The following DNAJC11 variants were observed in gnomAD, a reference collection of about 807,000 sequenced individuals.
DNAJC11 encodes dnaJ homolog subfamily C member 11.
A neutral mutation model predicts 78.6 loss-of-function variants in DNAJC11; 15 were observed. The observed-to-expected ratio is 0.19, with a 90% confidence interval of 0.13 to 0.29. The LOEUF (loss-of-function observed/expected upper bound fraction) is 0.29. DNAJC11 is among the 10% of genes least tolerant of loss of function. The probability of loss-of-function intolerance (pLI) is 1.00; values close to 1 mark genes in which losing one functional copy is unlikely to be tolerated. For synonymous variants in DNAJC11, 292 were observed against 272.1 expected, an observed-to-expected ratio of 1.07 and a Z score of -0.72; for missense variants, 547 against 709.6, an observed-to-expected ratio of 0.77 and a Z score of 2.60.
intron 13 of DNAJC11, 34 bp from the exon 14 acceptor site, chr1:6,637,374 T>C (rs1486817677): frequency 6.2e-7 from 1 of 1,614,144 alleles, no homozygotes; most frequent in Non-Finnish European, 8.5e-7. Flanking sequence ...GAAGGCCTCC[T>C]CCAGGCACCT....
rs773595881 is a variant in DNAJC11, at chr1:6,645,802, G to A, written c.881C>T (p.Thr294Ile). ...TGCTCGGCTCACCTGCAGGGCCACAGTGAAGTGGCTGGTTTTAGTGTCTCG... is the reference window on the plus strand; with the variant it reads ...TGCTCGGCTCACCTGCAGGGCCACAATGAAGTGGCTGGTTTTAGTGTCTCG... ...IVRDTKTSHF[T>I]VALQLGIPHS... Residue 294 changes from threonine to isoleucine, a missense_variant, in exon 8 of 16, where the codon ACT (threonine) becomes ATT (isoleucine). Physicochemically the swap from Thr to Ile is moderately conservative, Grantham distance 89 (BLOSUM62 -1). Coordinates refer to ENST00000377577, the MANE Select transcript of DNAJC11 (RefSeq NM_018198.4). This position sits in a 1 kb window ranked among gnomAD's most constrained non-coding sequence, Gnocchi z 4.1. The A allele has an allele frequency of 3.7e-6, 6 of 1,614,044 alleles. No individual in the cohort carries two copies. Among genetic ancestry groups the A allele is most frequent in the Middle Eastern group, 1.6e-4 (1 of 6,062 alleles).
At chr1:6,656,183 G>A (rs1642123903) in intron 4 of DNAJC11, among the ~76,000 whole-genome samples, 1 of 151,418 alleles carries the variant, frequency 6.6e-6, no homozygotes, top group Non-Finnish European at 1.5e-5. Context: ...CTTTTTAGGG[G>A]GAAAAAAACC....
chr1:6,679,949 C>T (rs540967572), intron 2 of DNAJC11, among the ~76,000 whole-genome samples: 2 of 152,144 alleles, frequency 1.3e-5, no homozygotes, highest in Non-Finnish European at 2.9e-5. Context: ...GACACTACAC[C>T]GACTGTACAC....
chr1:6,684,644 T>C (rs1018978425), intron 1 of DNAJC11, among the ~76,000 whole-genome samples: 1 of 152,202 alleles, frequency 6.6e-6, no homozygotes, highest in African/African-American at 2.4e-5. Flanking sequence ...AAGGTTAGAT[T>C]GGTCCTTTCA....
At chr1:6,644,781 C>T (rs1239875901) in intron 9 of DNAJC11, 107 bp from the exon 10 acceptor site, 4 of 983,046 alleles carry the variant, frequency 4.1e-6, no homozygotes, top group African/African-American at 3.2e-5. Context: ...CCTCCAGCCT[C>T]CTCGACCCCC....
chr1:6,635,740 C>G (rs1641753260), intron 15 of DNAJC11, 40 bp from the exon 16 acceptor site: 2 of 1,612,656 alleles, frequency 1.2e-6, no homozygotes, highest in Admixed American at 3.3e-5. Context: ...CAGAAGGTGG[C>G]CATTCCCATG....
chr1:6,673,331 A>G lies in DNAJC11; in HGVS notation c.276+5063T>C, dbSNP rs370373946. On this transcript the variant is annotated intron_variant, in intron 3 of 15. Transcript: ENST00000377577. ...CCAAGAAGACTGACTTTATTGATGA[A>G]AGGAATGAGGAGATATCCAAAAGCT... 5.9e-5 allele frequency among the ~76,000 whole-genome samples: 9 copies of G among 152,072 alleles called. No individual in the cohort carries two copies. In the East Asian group the frequency reaches 1.5e-3, roughly 26 times the overall value.
At chr1:6,662,159 A>G (rs1642226826) in intron 4 of DNAJC11, among the ~76,000 whole-genome samples, 9 of 128,374 alleles carry the variant, frequency 7.0e-5, no homozygotes, top group African/African-American at 2.4e-4. Flanking sequence ...TAGAGATAGG[A>G]TTTCACCATG....
Position 6,680,964 on chromosome 1 carries a change from G to A in DNAJC11, c.146C>T (p.Pro49Leu), listed in dbSNP as rs141722905. 1.9e-6 allele frequency: 3 copies of A among 1,613,996 alleles called. No homozygotes were observed. The African/African-American group carries it at 4.0e-5, about 22-fold the overall frequency. Residue 49 changes from proline to leucine, a missense_variant, in exon 2 of 16, where the codon CCA becomes CTA. Pro to Leu is a moderately conservative substitution (Grantham distance 98). Transcript: ENST00000377577. The surrounding 1 kb of genome is among the most constrained non-coding windows in gnomAD (Gnocchi z 4.0). Reference sequence around the variant, plus strand: ...TCGTTCCGCCTGTGACTTGAGCTCTGGGTCTCTGTGCTTGTCTGGATGGTA... The same window carrying A: ...TCGTTCCGCCTGTGACTTGAGCTCTAGGTCTCTGTGCTTGTCTGGATGGTA... ...MLYHPDKHRDPELKSQAERLF... is the reference protein window; with the variant it reads ...MLYHPDKHRDLELKSQAERLF...
At position 6,645,153 on chromosome 1, in the gene DNAJC11, C is replaced by T. The variant is rs774770947; in HGVS notation, c.895-27G>A. 66 of 1,581,308 alleles carry T rather than the reference C, an allele frequency of 4.2e-5. No individual in the cohort carries two copies. The Middle Eastern group carries it at 8.7e-4, about 21-fold the overall frequency. ...TGGGGAGACAGAGGGTGCAAGGATG[C>T]GTGGCTAGGGCGTGTGACTCTGTGG... On this transcript the variant is annotated intron_variant, in intron 8 of 15. Coordinates refer to ENST00000377577, the MANE Select transcript of DNAJC11 (RefSeq NM_018198.4). The surrounding 1 kb of genome is among the most constrained non-coding windows in gnomAD (Gnocchi z 4.1).
chr1:6,693,396 G>A (rs1465216266), intron 1 of DNAJC11, among the ~76,000 whole-genome samples: 2 of 151,860 alleles, frequency 1.3e-5, no homozygotes, highest in South Asian at 2.1e-4. Flanking sequence ...TTATATTATC[G>A]TTTAGATGGA....
At chr1:6,644,334 A>G (rs2148729678) in intron 10 of DNAJC11, among the ~76,000 whole-genome samples, 1 of 152,296 alleles carries the variant, frequency 6.6e-6, no homozygotes, top group Non-Finnish European at 1.5e-5. Flanking sequence ...GGGTTTCACC[A>G]CGTTGGCCAG....
rs543874677 is a variant in DNAJC11, at chr1:6,653,505, G to A, written c.507+406C>T. On this transcript the variant is annotated intron_variant, in intron 5 of 15. Transcript: ENST00000377577. This position sits in a 1 kb window ranked among gnomAD's most constrained non-coding sequence, Gnocchi z 4.5. ...GTGGGCAGAATGGTGACATTTTCGC[G>A]TGCCCAGGGCTCAGGATGAGAGCTG... Among the ~76,000 whole-genome samples the A allele has an allele frequency of 9.2e-5, 14 of 152,324 alleles. No individual in the cohort carries two copies. Among genetic ancestry groups the A allele is most frequent in the African/African-American group, 3.1e-4 (13 of 41,568 alleles).
chr1:6,658,325 T>G (rs1383721817), intron 4 of DNAJC11, among the ~76,000 whole-genome samples: 3 of 152,234 alleles, frequency 2.0e-5, no homozygotes, highest in Admixed American at 6.5e-5. Context: ...AGACAATTAC[T>G]AATAACACAG....
Position 6,644,575 on chromosome 1 carries a change from A to G in DNAJC11, c.1080T>C (p.Gly360=), listed in dbSNP as rs200458. The G allele has an allele frequency of 0.9, 1,447,055 of 1,613,402 alleles. 651,579 individuals carry two copies. The highest frequency in any genetic ancestry group is 0.96 in the Admixed American group (57,539 of 60,012). The part of the protein sequence containing the change: ...GAAVSVGVPQ[G]VSLKVKLNRA... ...CAACTTACTTGACTTTGAGAGAAACACCCTGTGGAACTCCAACGCTGACAG... is the reference window on the plus strand; with the variant it reads ...CAACTTACTTGACTTTGAGAGAAACGCCCTGTGGAACTCCAACGCTGACAG... Residue 360 remains glycine, a synonymous_variant, in exon 10 of 16, where the codon GGT becomes GGC. Transcript: ENST00000377577.
chr1:6,671,536 A>ATT (rs34229944), intron 3 of DNAJC11, among the ~76,000 whole-genome samples: 2 of 127,246 alleles, frequency 1.6e-5, no homozygotes, highest in African/African-American at 2.9e-5. Flanking sequence ...GCGCCTGGCC[A>ATT]TTTTTTTTTT....
At chr1:6,660,533 T>G (rs1316591827) in intron 4 of DNAJC11, among the ~76,000 whole-genome samples, 1 of 152,178 alleles carries the variant, frequency 6.6e-6, no homozygotes, top group African/African-American at 2.4e-5. Context: ...ATGGCAGGAT[T>G]AGGTTGTCTG....
chr1:6,644,471 A>T, intron 10 of DNAJC11, 87 bp downstream of exon 10: 2 of 979,634 alleles, frequency 2.0e-6, no homozygotes, highest in Admixed American at 3.5e-5. Flanking sequence ...TACAATGCAA[A>T]GGCTATTTCA....
intron 3 of DNAJC11, among the ~76,000 whole-genome samples, chr1:6,669,955 A>AT (rs1353904521): frequency 1.5e-4 from 22 of 151,192 alleles, no homozygotes; most frequent in Admixed American, 2.7e-4. Flanking sequence ...TTCAAAAAAT[A>AT]ATTTTTTTTT....
Sources: allele counts gnomAD v4.1 joint callset (sites outside exome capture counted in the v4.1 genomes callset), GRCh38; gene constraint gnomAD v4.1.1; non-coding constraint Gnocchi (gnomAD v3.1); transcripts MANE v1.5; gene names NCBI Gene and HGNC (gene_info 2026-07-23, HGNC 2026-07-21).